The following STEEP1 variants were observed in gnomAD, a reference collection of about 807,000 sequenced individuals.
STEEP1 encodes STING ER exit protein.
A neutral mutation model predicts 19.2 loss-of-function variants in STEEP1; 3 were observed. That is an observed-to-expected ratio of 0.16 (90% confidence interval 0.07 to 0.40). The LOEUF (loss-of-function observed/expected upper bound fraction) is 0.40. Ranked by LOEUF, STEEP1 falls within the 10% of genes least tolerant of loss-of-function variation. The pLI is 0.99. For synonymous variants in STEEP1, 46 were observed against 63.7 expected (o/e 0.72, Z 1.32); for missense variants, 54 against 177.1 (o/e 0.30, Z 3.94).
intron 2 of STEEP1, among the ~76,000 whole-genome samples, chrX:119,555,041 C>T (rs369741455): frequency 9.2e-6 from 1 of 108,968 alleles, no homozygotes; most frequent in Non-Finnish European, 1.9e-5. Flanking sequence ...CCCAGGAGAT[C>T]GAGACTGCAG....
intron 2 of STEEP1, among the ~76,000 whole-genome samples, chrX:119,550,645 T>C (rs757500633): frequency 1.2e-4 from 14 of 112,135 alleles, no homozygotes; most frequent in Non-Finnish European, 1.7e-4. Flanking sequence ...TTCATATGCT[T>C]GGATTAGGCA....
intron 2 of STEEP1, among the ~76,000 whole-genome samples, chrX:119,559,318 C>T (rs2147359666): frequency 9.0e-6 from 1 of 111,329 alleles, no homozygotes; most frequent in Admixed American, 9.6e-5. Context: ...TGCATGATGC[C>T]GTTCCTGTAA....
chrX:119,546,692 G>A (rs1250113346), intron 2 of STEEP1, among the ~76,000 whole-genome samples: 1 of 110,684 alleles, frequency 9.0e-6, no homozygotes, highest in Non-Finnish European at 1.9e-5. Context: ...CCACCCACAC[G>A]GCTGTTTAAC....
rs150528151 is a variant in STEEP1, at chrX:119,557,244, C to T, written c.242+3024G>A. On this transcript the variant is annotated intron_variant, in intron 2 of 6. Coordinates refer to ENST00000644802, the MANE Select transcript of STEEP1 (RefSeq NM_022101.4). ...TTTTTCTGGTTCAACACTAAAGTTT[C>T]ATAAGGGCAGGATTCTTTGCTGTTT... Among the ~76,000 whole-genome samples, 1,028 of 106,458 alleles carry T rather than the reference C, an allele frequency of 9.7e-3. 15 individuals are homozygous for T. The highest frequency in any genetic ancestry group is 0.033 in the African/African-American group (986 of 29,475). 92.4% of individuals were successfully genotyped at this position (106,458 alleles called of 115,157 possible).
intron 2 of STEEP1, among the ~76,000 whole-genome samples, chrX:119,552,808 T>C (rs180695625): frequency 8.0e-5 from 9 of 112,390 alleles, no homozygotes; most frequent in Non-Finnish European, 1.3e-4. Context: ...CTAAAACCAC[T>C]GAATCATACA....
chrX:119,556,366 G>A (rs1290052386), intron 2 of STEEP1, among the ~76,000 whole-genome samples: 4 of 110,323 alleles, frequency 3.6e-5, no homozygotes, highest in African/African-American at 1.3e-4. Flanking sequence ...GGCGGATCAC[G>A]AGGTCAGGAG....
chrX:119,554,616 A>G, intron 2 of STEEP1, among the ~76,000 whole-genome samples: 1 of 111,969 alleles, frequency 8.9e-6, no homozygotes, highest in Non-Finnish European at 1.9e-5. Flanking sequence ...TCTGAGTCAT[A>G]GCCATAAAAC....
chrX:119,558,939 G>A (rs1012309318), intron 2 of STEEP1, among the ~76,000 whole-genome samples: 8 of 110,853 alleles, frequency 7.2e-5, no homozygotes, highest in Middle Eastern at 4.2e-3. Context: ...GAGATAGGCC[G>A]GGCGCAGTGG....
intron 2 of STEEP1, among the ~76,000 whole-genome samples, chrX:119,549,836 AGATT>A (rs1240833779): frequency 8.9e-6 from 1 of 112,311 alleles, no homozygotes; most frequent in Non-Finnish European, 1.9e-5. Context: ...TAGGGCAGAC[AGATT>A]GTTTCCAACA....
At chrX:119,559,797 C>T (rs1437906923) in intron 2 of STEEP1, among the ~76,000 whole-genome samples, 1 of 112,327 alleles carries the variant, frequency 8.9e-6, no homozygotes, top group Admixed American at 9.5e-5. Context: ...GCCTGTAATC[C>T]CAGCACTTTG....
intron 3 of STEEP1, 108 bp downstream of exon 3, chrX:119,545,352 CAAA>C (rs372221185): frequency 2.0e-3 from 744 of 369,070 alleles, no homozygotes; most frequent in Middle Eastern, 3.0e-3. Flanking sequence ...GACTCTGTCT[CAAA>C]AAAAAAAAAA....
intron 3 of STEEP1, 101 bp from the exon 4 acceptor site, chrX:119,544,592 G>T: frequency 1.2e-6 from 1 of 810,902 alleles, no homozygotes; most frequent in Non-Finnish European, 1.8e-6. Flanking sequence ...TCTGTTTGTG[G>T]CATAAACTAA....
At position 119,544,476 on chromosome X, in the gene STEEP1, G is replaced by A. The variant is rs781430018; in HGVS notation, c.300C>T (p.Leu100=). The change falls in exon 4 of 7, where the codon CTC becomes CTT. Residue 100 remains leucine (L), a synonymous_variant. Transcript: ENST00000644802. ...CATTCTTTGGCTGGGATTGGTAGAA[G>A]AGCGGCAGTCCACACCTGCAATGAC... ...RKKCAKCGLP[L]FYQSQPKNAP... 2 of 1,210,303 alleles carry A rather than the reference G, an allele frequency of 1.7e-6. No homozygotes were observed. Among genetic ancestry groups the A allele is most frequent in the South Asian group, 3.5e-5 (2 of 56,831 alleles).
At position 119,547,088 on chromosome X, in the gene STEEP1, G is replaced by T. The variant is rs189484673; in HGVS notation, c.243-1584C>A. Among the ~76,000 whole-genome samples the T allele has an allele frequency of 6.2e-5, 7 of 112,030 alleles. No individual in the cohort carries two copies. The Admixed American group carries it at 6.7e-4, about 11-fold the overall frequency. On this transcript the variant is annotated intron_variant, in intron 2 of 6. Coordinates refer to ENST00000644802, the MANE Select transcript of STEEP1 (RefSeq NM_022101.4). ...GATAGCTGATGCATATATAAGCAAAGAACTCTGACTGGTACATAAAGAAAA... is the reference window on the plus strand; with the variant it reads ...GATAGCTGATGCATATATAAGCAAATAACTCTGACTGGTACATAAAGAAAA...
At chrX:119,542,054 T>A (rs1346411329) in intron 5 of STEEP1, among the ~76,000 whole-genome samples, 3 of 48,516 alleles carry the variant, frequency 6.2e-5, no homozygotes, top group African/African-American at 3.4e-4. Flanking sequence ...TCTTTTCTTT[T>A]CTTTTTTTTT....
At chrX:119,548,905 A>G (rs958344421) in intron 2 of STEEP1, among the ~76,000 whole-genome samples, 1 of 112,407 alleles carries the variant, frequency 8.9e-6, no homozygotes, top group Non-Finnish European at 1.9e-5. Flanking sequence ...TATGAAAAGA[A>G]GGAAATCCTG....
rs60574433 is a variant in STEEP1, at chrX:119,542,997, C to CAAAAAAAAAAA, written c.424-414_424-404dup. On this transcript the variant is annotated intron_variant, in intron 4 of 6. Transcript: ENST00000644802. ...ACATTTTTGTAGAGACTGGGTCTCGCAAAAAAAAAAAAAAAAAAAAAAAAA... is the reference window on the plus strand; with the variant it reads ...ACATTTTTGTAGAGACTGGGTCTCGCAAAAAAAAAAAAAAAAAAAAAAAAAAAAAAAAAAAA... Among the ~76,000 whole-genome samples, 60 of 47,901 alleles carry CAAAAAAAAAAA rather than the reference C, an allele frequency of 1.3e-3. 1 individual carries two copies. Among genetic ancestry groups the CAAAAAAAAAAA allele is most frequent in the Non-Finnish European group, 2.0e-3 (55 of 27,518 alleles). 41.6% of individuals were successfully genotyped at this position (47,901 alleles called of 115,157 possible).
chrX:119,561,532 G>T (rs1205475784), intron 1 of STEEP1, among the ~76,000 whole-genome samples: 1 of 109,972 alleles, frequency 9.1e-6, no homozygotes, highest in African/African-American at 3.3e-5. Context: ...GCAGGGCGTG[G>T]TGGCACACAC....
intron 5 of STEEP1, among the ~76,000 whole-genome samples, chrX:119,542,018 A>C (rs7887076): frequency 0.12 from 12,591 of 105,510 alleles, 1,245 homozygotes; most frequent in African/African-American, 0.32. Flanking sequence ...ATTCAAGGAA[A>C]CAGGAACTGG....
Sources: allele counts gnomAD v4.1 joint callset (sites outside exome capture counted in the v4.1 genomes callset), GRCh38; gene constraint gnomAD v4.1.1; transcripts MANE v1.5; gene names NCBI Gene and HGNC (gene_info 2026-07-23, HGNC 2026-07-21).